ATP9B: variants seen among roughly 807,000 people sequenced by gnomAD.
ATP9B encodes the protein probable phospholipid-transporting ATPase IIB.
A neutral mutation model predicts 146.1 loss-of-function variants in ATP9B; 110 were observed. That is an observed-to-expected ratio of 0.75 (90% CI 0.65 to 0.88). The LOEUF is 0.88. ATP9B is among the 40% of genes least tolerant of loss of function. The pLI, the probability that ATP9B is intolerant of heterozygous loss-of-function variation, is 0.00. For synonymous variants in ATP9B, 604 were observed against 569.7 expected, an observed-to-expected ratio of 1.06 and a Z score of -0.86; for missense variants, 1,499 against 1,496.4, an observed-to-expected ratio of 1.00 and a Z score of -0.03.
intron 29 of ATP9B, chr18:79,375,744 C>T: frequency 1.0e-6 from 1 of 985,398 alleles, no homozygotes; most frequent in Admixed American, 6.1e-5. Flanking sequence ...GAAAACACTT[C>T]CAGGGTCTTC....
chr18:79,123,530 T>C (rs1381385173), intron 4 of ATP9B, among the ~76,000 whole-genome samples: 2 of 152,122 alleles, frequency 1.3e-5, no homozygotes, highest in South Asian at 2.1e-4. Context: ...TTTTTTTTTT[T>C]CTTTATGTTT....
rs367827520 is a variant in ATP9B, at chr18:79,208,161, C to T, written c.1030+1149C>T. Among the ~76,000 whole-genome samples the T allele has an allele frequency of 4.2e-4, 64 of 152,216 alleles. No homozygotes were observed. In the East Asian group the frequency reaches 5.4e-3, roughly 13 times the overall value. On this transcript the variant is annotated intron_variant, in intron 10 of 29. Transcript: ENST00000426216. Reference sequence around the variant, plus strand: ...TCGGGGGGCTGAGGCAGGAGAATGGCGGGAACCCGGGAGCCGGAGCTTGCA... The same window carrying T: ...TCGGGGGGCTGAGGCAGGAGAATGGTGGGAACCCGGGAGCCGGAGCTTGCA...
intron 2 of ATP9B, among the ~76,000 whole-genome samples, chr18:79,107,509 C>T (rs2075732402): frequency 6.6e-6 from 1 of 152,062 alleles, no homozygotes; most frequent in African/African-American, 2.4e-5. Context: ...ACCGAGGCCT[C>T]GGGGGCTTCC....
At chr18:79,110,254 A>G in intron 2 of ATP9B, 101 bp from the exon 3 acceptor site, 1 of 1,195,038 alleles carries the variant, frequency 8.4e-7, no homozygotes, top group Non-Finnish European at 1.1e-6. Flanking sequence ...TGTGTGGTGA[A>G]TACAGAAACA....
intron 9 of ATP9B, among the ~76,000 whole-genome samples, chr18:79,198,690 G>A (rs2095438999): frequency 6.6e-6 from 1 of 152,264 alleles, no homozygotes; most frequent in South Asian, 2.1e-4. Flanking sequence ...AAGTATCTGT[G>A]TATCTAACCA....
intron 7 of ATP9B, among the ~76,000 whole-genome samples, chr18:79,155,434 T>TG (rs1324402005): frequency 1.3e-5 from 2 of 152,228 alleles, no homozygotes; most frequent in Non-Finnish European, 2.9e-5. Context: ...TAAATCACTT[T>TG]GGCCCATTTC....
At chr18:79,371,335 G>A (rs1201556940) in intron 26 of ATP9B, among the ~76,000 whole-genome samples, 3 of 135,444 alleles carry the variant, frequency 2.2e-5, no homozygotes, top group Non-Finnish European at 3.1e-5. Flanking sequence ...TCGTGCCATT[G>A]CACTCCAGCC....
intron 9 of ATP9B, among the ~76,000 whole-genome samples, chr18:79,206,229 C>T (rs1004750821): frequency 5.9e-5 from 9 of 152,104 alleles, no homozygotes; most frequent in East Asian, 1.9e-4. Flanking sequence ...CGTGAGCCAC[C>T]GCGCCCGGCC....
At chr18:79,102,031 C>T (rs569539405) in intron 2 of ATP9B, among the ~76,000 whole-genome samples, 1 of 152,166 alleles carries the variant, frequency 6.6e-6, no homozygotes, top group South Asian at 2.1e-4. Flanking sequence ...CTGCAACTTC[C>T]GCCTCCTGGG....
At position 79,189,831 on chromosome 18, in the gene ATP9B, T is replaced by C. The variant is rs535705896; in HGVS notation, c.874-3352T>C. On this transcript the variant is annotated intron_variant, in intron 8 of 29. Transcript: ENST00000426216. The stretch of plus-strand genomic sequence containing the variant: ...GACTTTTGTCTACTTTTTGAGAACA[T>C]TTCCAGCATCACTAGAAGCACTTCT... Among the ~76,000 whole-genome samples, 72 of 152,340 alleles carry C rather than the reference T, an allele frequency of 4.7e-4. 1 individual carries two copies. The highest frequency in any genetic ancestry group is 7.2e-4 in the Non-Finnish European group (49 of 68,026).
intron 7 of ATP9B, among the ~76,000 whole-genome samples, chr18:79,172,208 C>T (rs1371582004): frequency 6.9e-6 from 1 of 145,102 alleles, no homozygotes; most frequent in Non-Finnish European, 1.5e-5. Context: ...CACCGTGCCC[C>T]GCCCTTGCGA....
chr18:79,268,055 C>A (rs1431569280), intron 12 of ATP9B, among the ~76,000 whole-genome samples: 2 of 152,148 alleles, frequency 1.3e-5, no homozygotes, highest in African/African-American at 4.8e-5. Flanking sequence ...AAATTGTTGT[C>A]TATATTCCTA....
chr18:79,149,934 A>G (rs2094657251), intron 6 of ATP9B, among the ~76,000 whole-genome samples: 1 of 152,054 alleles, frequency 6.6e-6, no homozygotes, highest in Admixed American at 6.5e-5. Context: ...TATAAAAATT[A>G]GTTGGGTGTG....
At chr18:79,253,328 A>G in intron 11 of ATP9B, 53 bp from the exon 12 acceptor site, 2 of 1,518,326 alleles carry the variant, frequency 1.3e-6, no homozygotes, top group South Asian at 1.3e-5. Context: ...CTGATTTATA[A>G]TATTAGGGAC....
intron 2 of ATP9B, among the ~76,000 whole-genome samples, chr18:79,107,999 T>G (rs780826868): frequency 7.2e-5 from 11 of 152,228 alleles, no homozygotes; most frequent in Non-Finnish European, 1.5e-4. Flanking sequence ...ATGGTAATTC[T>G]TAGGTAACAT....
At chr18:79,193,630 A>T (rs1176087961) in intron 9 of ATP9B, among the ~76,000 whole-genome samples, 1 of 152,140 alleles carries the variant, frequency 6.6e-6, no homozygotes, top group Non-Finnish European at 1.5e-5. Flanking sequence ...TATATATGTG[A>T]GTCTGTACAT....
intron 13 of ATP9B, among the ~76,000 whole-genome samples, chr18:79,302,141 T>C (rs571391141): frequency 1.3e-3 from 201 of 152,382 alleles, no homozygotes; most frequent in African/African-American, 4.5e-3. Flanking sequence ...AATTGGGTTT[T>C]ATGGTTTTAT....
chr18:79,346,328 A>C (rs1163146340), intron 23 of ATP9B, among the ~76,000 whole-genome samples: 18 of 150,988 alleles, frequency 1.2e-4, no homozygotes, highest in Admixed American at 1.2e-3. Context: ...AGCACACTAC[A>C]CATGCTCAGC....
Position 79,377,432 on chromosome 18 carries a change from C to T in ATP9B, c.*49C>T, listed in dbSNP as rs771852185. The T allele has an allele frequency of 1.1e-5, 18 of 1,592,514 alleles. 1 individual carries two copies. The highest frequency in any genetic ancestry group is 1.1e-5 in the South Asian group (1 of 90,642). ...TGGCCCCAGCACCTTCTGCCCTTCC[C>T]AGCACCTTGTGCCCTTGCCAGTGAA... On this transcript the variant is annotated 3_prime_UTR_variant, in exon 30 of 30. Coordinates refer to ENST00000426216, the MANE Select transcript of ATP9B (RefSeq NM_198531.5).
Sources: gnomAD v4.1 joint callset for allele counts (sites outside exome capture counted in the v4.1 genomes callset) on GRCh38, gnomAD v4.1.1 for gene constraint, MANE v1.5 for transcripts, NCBI Gene and HGNC (gene_info 2026-07-23, HGNC 2026-07-21) for gene names.